PTPRD: variants seen among roughly 807,000 people sequenced by gnomAD.
PTPRD encodes receptor-type tyrosine-protein phosphatase delta.
A neutral mutation model predicts 214.5 loss-of-function variants in PTPRD; 34 were observed. That is an observed-to-expected ratio of 0.16 (90% CI 0.12 to 0.21). The LOEUF (loss-of-function observed/expected upper bound fraction) is 0.21. Among genes scored for constraint, PTPRD ranks in the 10% least tolerant of loss-of-function variants. PTPRD has a pLI of 1.00. For missense variants in PTPRD, 2,545 were observed against 2,398.7 expected, an observed-to-expected ratio of 1.06 and a Z score of -1.27; for synonymous variants, 1,128 against 845.7, an observed-to-expected ratio of 1.33 and a Z score of -5.79.
At chr9:9,831,725 C>T (rs2054905659) in intron 5 of PTPRD, among the ~76,000 whole-genome samples, 1 of 151,884 alleles carries the variant, frequency 6.6e-6, no homozygotes, top group South Asian at 2.1e-4. Flanking sequence ...GCGTAATTTC[C>T]CTAATTTATA....
At chr9:9,679,255 A>C (rs1186055572) in intron 7 of PTPRD, among the ~76,000 whole-genome samples, 2 of 150,078 alleles carry the variant, frequency 1.3e-5, no homozygotes, top group South Asian at 4.2e-4. Flanking sequence ...TCCTTCCCCC[A>C]CTCCCTTCAC....
At chr9:9,424,231 C>T (rs1305162268) in intron 8 of PTPRD, among the ~76,000 whole-genome samples, 1 of 152,226 alleles carries the variant, frequency 6.6e-6, no homozygotes, top group East Asian at 1.9e-4. Flanking sequence ...TCTGCCCATT[C>T]AGACTTCTTT....
chr9:8,373,913 T>TCTATCTATCTATCTATCTATCTATCTAC (rs373840784), intron 39 of PTPRD, among the ~76,000 whole-genome samples: 1 of 78,500 alleles, frequency 1.3e-5, no homozygotes, highest in Non-Finnish European at 2.4e-5. Flanking sequence ...TATCTATCTA[T>TCTATCTATCTATCTATCTATCTATCTAC]CTACCTACCT....
intron 4 of PTPRD, among the ~76,000 whole-genome samples, chr9:9,940,643 A>G (rs571611424): frequency 6.6e-6 from 1 of 152,196 alleles, no homozygotes; most frequent in Non-Finnish European, 1.5e-5. Flanking sequence ...TAATATTAAC[A>G]AAAGTGTCAA....
chr9:8,479,029 G>A (rs548478159), intron 30 of PTPRD, among the ~76,000 whole-genome samples: 2 of 152,254 alleles, frequency 1.3e-5, no homozygotes, highest in South Asian at 2.1e-4. Flanking sequence ...CCTGCCCACC[G>A]TTCTGGAATG....
At chr9:10,268,865 C>T (rs2094253129) in intron 3 of PTPRD, among the ~76,000 whole-genome samples, 1 of 152,154 alleles carries the variant, frequency 6.6e-6, no homozygotes, top group Non-Finnish European at 1.5e-5. Context: ...ATATATTCGC[C>T]CATCTAGGGC....
At chr9:8,835,138 C>G (rs1274359846) in intron 11 of PTPRD, among the ~76,000 whole-genome samples, 1 of 152,190 alleles carries the variant, frequency 6.6e-6, no homozygotes, top group Non-Finnish European at 1.5e-5. Context: ...CAAAGCAAAG[C>G]ATGGGGTGGA....
intron 10 of PTPRD, among the ~76,000 whole-genome samples, chr9:9,118,016 C>G (rs1182018349): frequency 6.6e-6 from 1 of 152,102 alleles, no homozygotes; most frequent in African/African-American, 2.4e-5. Flanking sequence ...CAGGGACATG[C>G]AAGTGAGGGA....
At chr9:9,099,161 C>A (rs1231223072) in intron 10 of PTPRD, among the ~76,000 whole-genome samples, 1 of 152,090 alleles carries the variant, frequency 6.6e-6, no homozygotes, top group East Asian at 1.9e-4. Flanking sequence ...GTGGTAAACA[C>A]AGAGCAGGCC....
chr9:8,796,030 A>C (rs1013746204), intron 11 of PTPRD, among the ~76,000 whole-genome samples: 3 of 152,224 alleles, frequency 2.0e-5, no homozygotes, highest in Non-Finnish European at 4.4e-5. Context: ...AACTATGATG[A>C]CCACAAAGGC....
intron 11 of PTPRD, among the ~76,000 whole-genome samples, chr9:8,982,378 G>C (rs1404961269): frequency 2.0e-5 from 3 of 151,788 alleles, no homozygotes; most frequent in Non-Finnish European, 4.4e-5. Context: ...AGTCTCATAA[G>C]GGAAGTCTTT....
intron 8 of PTPRD, among the ~76,000 whole-genome samples, chr9:9,547,568 T>C (rs1190967296): frequency 6.6e-6 from 1 of 152,046 alleles, no homozygotes; most frequent in Non-Finnish European, 1.5e-5. Context: ...ATTCAGTGAC[T>C]GACACTCATA....
rs544513452 is a variant in PTPRD, at chr9:9,325,161, T to A, written c.-203+72288A>T. ...GCTTTGTTCTTTTGGCTTAGGATTGTCTTGGCAATGTGGTCTCTTTTTTGG... is the reference window on the plus strand; with the variant it reads ...GCTTTGTTCTTTTGGCTTAGGATTGACTTGGCAATGTGGTCTCTTTTTTGG... On this transcript the variant is annotated intron_variant, in intron 9 of 45. Transcript: ENST00000381196. 5.9e-3 allele frequency among the ~76,000 whole-genome samples: 902 copies of A among 152,232 alleles called. 4 individuals carry two copies. The highest frequency in any genetic ancestry group is 8.1e-3 in the Non-Finnish European group (554 of 67,976).
intron 9 of PTPRD, among the ~76,000 whole-genome samples, chr9:9,327,016 G>A (rs2040235630): frequency 6.6e-6 from 1 of 152,100 alleles, no homozygotes; most frequent in Non-Finnish European, 1.5e-5. Context: ...AAGGGACAAA[G>A]TAAAAAGAAC....
intron 9 of PTPRD, among the ~76,000 whole-genome samples, chr9:9,320,653 A>T (rs778537273): frequency 2.2e-4 from 34 of 152,078 alleles, no homozygotes; most frequent in Non-Finnish European, 4.0e-4. Flanking sequence ...CTTTCTAGTG[A>T]CCAATGAGTC....
intron 8 of PTPRD, among the ~76,000 whole-genome samples, chr9:9,541,660 G>A (rs1427680510): frequency 6.6e-6 from 1 of 151,816 alleles, no homozygotes; most frequent in Non-Finnish European, 1.5e-5. Flanking sequence ...CATGAATCCA[G>A]CCACAAACAT....
At chr9:9,618,174 T>C (rs912387280) in intron 7 of PTPRD, among the ~76,000 whole-genome samples, 7 of 131,886 alleles carry the variant, frequency 5.3e-5, no homozygotes, top group African/African-American at 2.0e-4. Context: ...CCTTAATACA[T>C]AAAAGGAAAA....
At chr9:8,461,489 C>T (rs1188846281) in intron 32 of PTPRD, among the ~76,000 whole-genome samples, 1 of 151,892 alleles carries the variant, frequency 6.6e-6, no homozygotes, top group Non-Finnish European at 1.5e-5. Context: ...CTACCTGCCC[C>T]CTTCAAGGCC....
At chr9:8,797,933 A>C (rs549773851) in intron 11 of PTPRD, among the ~76,000 whole-genome samples, 76 of 151,982 alleles carry the variant, frequency 5.0e-4, no homozygotes, top group African/African-American at 1.8e-3. Context: ...GCAGTGGCAA[A>C]GATCATAGCT....
Sources: gnomAD v4.1 joint callset for allele counts (sites outside exome capture counted in the v4.1 genomes callset) on GRCh38, gnomAD v4.1.1 for gene constraint, MANE v1.5 for transcripts, NCBI Gene and HGNC (gene_info 2026-07-23, HGNC 2026-07-21) for gene names.